Variants in ATP13A4 observed in about 807,000 individuals in gnomAD.
The protein encoded by ATP13A4 is probable cation-transporting ATPase 13A4.
A neutral mutation model predicts 142.5 loss-of-function variants in ATP13A4; 114 were observed. The observed-to-expected ratio is 0.80, with a 90% CI of 0.69 to 0.93. ATP13A4 has a LOEUF of 0.93. Ranked by LOEUF, ATP13A4 falls within the 40% of genes least tolerant of loss-of-function variation. ATP13A4 has a pLI of 0.00. For missense variants in ATP13A4, 1,392 were observed against 1,454.0 expected, an observed-to-expected ratio of 0.96 and a Z score of 0.69; for synonymous variants, 488 against 514.8, an observed-to-expected ratio of 0.95 and a Z score of 0.70.
At chr3:193,462,947 C>T in intron 12 of ATP13A4, 124 bp from the exon 13 acceptor site, 2 of 889,538 alleles carry the variant, frequency 2.2e-6, no homozygotes, top group Non-Finnish European at 3.6e-6. Flanking sequence ...GAGTTTAAGA[C>T]CAGCCTGGGC....
chr3:193,503,323 T>C (rs571330239), intron 2 of ATP13A4, among the ~76,000 whole-genome samples: 2 of 152,220 alleles, frequency 1.3e-5, no homozygotes, highest in East Asian at 1.9e-4. Context: ...CTAATTAAAA[T>C]TGCTTCCATT....
At chr3:193,532,769 A>C (rs1033738186) in intron 1 of ATP13A4, among the ~76,000 whole-genome samples, 1 of 152,212 alleles carries the variant, frequency 6.6e-6, no homozygotes, top group African/African-American at 2.4e-5. Flanking sequence ...AAAAGGGTAA[A>C]TCATAAGCAT....
intron 2 of ATP13A4, among the ~76,000 whole-genome samples, chr3:193,513,625 A>G (rs1721252462): frequency 6.6e-6 from 1 of 152,244 alleles, no homozygotes; most frequent in Non-Finnish European, 1.5e-5. Flanking sequence ...CGCAGGGATG[A>G]TGCACATTGT....
chr3:193,569,393 C>T (rs1724209627), intron 2 of ATP13A4, among the ~76,000 whole-genome samples: 2 of 152,178 alleles, frequency 1.3e-5, no homozygotes, highest in African/African-American at 2.4e-5. Flanking sequence ...CTAAATGCAA[C>T]TTAGTATCCT....
intron 1 of ATP13A4, among the ~76,000 whole-genome samples, chr3:193,542,277 A>C (rs1722971232): frequency 6.6e-6 from 1 of 152,190 alleles, no homozygotes. Context: ...GAAGTGAAGA[A>C]TCTCTTCAAG....
At chr3:193,549,673 T>C (rs1028612157) in intron 1 of ATP13A4, among the ~76,000 whole-genome samples, 10 of 151,990 alleles carry the variant, frequency 6.6e-5, no homozygotes, top group African/African-American at 2.2e-4. Flanking sequence ...CTACATAAAA[T>C]ACTGGAAAAT....
At chr3:193,551,881 T>C (rs1723592607) in intron 1 of ATP13A4, among the ~76,000 whole-genome samples, 1 of 152,238 alleles carries the variant, frequency 6.6e-6, no homozygotes, top group African/African-American at 2.4e-5. Flanking sequence ...TCCTGTCTCA[T>C]TTCGCAGTTA....
At chr3:193,519,254 G>C (rs1231744721) in intron 1 of ATP13A4, among the ~76,000 whole-genome samples, 1 of 152,132 alleles carries the variant, frequency 6.6e-6, no homozygotes, top group Admixed American at 6.5e-5. Flanking sequence ...AATACTAAAT[G>C]ACCAACAAAG....
chr3:193,465,125 G>T lies in ATP13A4; in HGVS notation c.1276C>A (p.Pro426Thr), dbSNP rs151251313. 43 of 1,613,662 alleles carry T rather than the reference G, an allele frequency of 2.7e-5. No individual in the cohort carries two copies. The African/African-American group carries it at 5.3e-4, about 20-fold the overall frequency. The part of the protein sequence containing the change: ...TLCVYVLSGE[P>T]PEEVVRKALD... ...GCTTTCCTCACCACCTCCTCTGGAG[G>T]TTCCTGGACGACAGTCATTCTTTAA... The change falls in exon 12 of 30, where the codon CCT becomes ACT. Residue 426 changes from proline to threonine, a missense_variant. By Grantham distance (38) the Pro-to-Thr change is conservative. Coordinates refer to ENST00000342695, the MANE Select transcript of ATP13A4 (RefSeq NM_032279.4).
At chr3:193,462,572 G>C (rs1257405030) in intron 13 of ATP13A4, among the ~76,000 whole-genome samples, 190 bp downstream of exon 13, 1 of 152,144 alleles carries the variant, frequency 6.6e-6, no homozygotes, top group Non-Finnish European at 1.5e-5. Flanking sequence ...GGTTGGGATG[G>C]GGGGAAATGT....
At chr3:193,495,997 A>G (rs1275762813) in intron 3 of ATP13A4, among the ~76,000 whole-genome samples, 1 of 152,208 alleles carries the variant, frequency 6.6e-6, no homozygotes, top group African/African-American at 2.4e-5. Flanking sequence ...TAAAATACAT[A>G]GGAATAAATT....
At position 193,443,010 on chromosome 3, in the gene ATP13A4, C is replaced by G. The variant is rs73078991; in HGVS notation, c.2153-454G>C. 2.0e-3 allele frequency among the ~76,000 whole-genome samples: 302 copies of G among 152,252 alleles called. 2 individuals carry two copies. Among genetic ancestry groups the G allele is most frequent in the African/African-American group, 7.1e-3 (294 of 41,560 alleles). ...AAGGACTTTGAAAAGTAAACAAAAGCAGGCAGATGGTGGGAGGGAGTCAAA... is the reference window on the plus strand; with the variant it reads ...AAGGACTTTGAAAAGTAAACAAAAGGAGGCAGATGGTGGGAGGGAGTCAAA... On this transcript the variant is annotated intron_variant, in intron 18 of 29. Coordinates refer to ENST00000342695, the MANE Select transcript of ATP13A4 (RefSeq NM_032279.4).
At chr3:193,438,920 T>C in intron 22 of ATP13A4, 103 bp downstream of exon 22, 2 of 1,241,120 alleles carry the variant, frequency 1.6e-6, no homozygotes, top group Non-Finnish European at 2.4e-6. Context: ...GGCTCGAGTA[T>C]AAATGAATGT....
chr3:193,440,515 G>C (rs1053390334), intron 21 of ATP13A4, 43 bp downstream of exon 21: 22 of 1,612,396 alleles, frequency 1.4e-5, no homozygotes, highest in Non-Finnish European at 1.8e-5. Flanking sequence ...TGACTGTTAT[G>C]CCTCCATGCA....
chr3:193,410,468 G>T (rs147432879), intron 28 of ATP13A4, among the ~76,000 whole-genome samples: 2 of 152,150 alleles, frequency 1.3e-5, no homozygotes, highest in African/African-American at 4.8e-5. Context: ...AGCCTAGCGC[G>T]TTGGGAGGCC....
chr3:193,590,999 AT>A, intron 1 of ATP13A4, among the ~76,000 whole-genome samples: 1 of 152,232 alleles, frequency 6.6e-6, no homozygotes, highest in East Asian at 1.9e-4. Flanking sequence ...GCATCCTGAT[AT>A]TTTTATGTGA....
chr3:193,592,271 T>G (rs1416928912), intron 1 of ATP13A4, among the ~76,000 whole-genome samples: 1 of 152,068 alleles, frequency 6.6e-6, no homozygotes, highest in African/African-American at 2.4e-5. Context: ...CGGGCCCTGG[T>G]TTCCTTACAA....
At chr3:193,434,109 C>G (rs1315832128) in intron 24 of ATP13A4, among the ~76,000 whole-genome samples, 192 bp from the exon 25 acceptor site, 1 of 151,998 alleles carries the variant, frequency 6.6e-6, no homozygotes, top group African/African-American at 2.4e-5. Flanking sequence ...CCTGTGAAAC[C>G]CTCTCTATGC....
intron 1 of ATP13A4, among the ~76,000 whole-genome samples, chr3:193,546,422 G>T (rs1723229921): frequency 1.3e-5 from 2 of 152,258 alleles, no homozygotes; most frequent in Admixed American, 1.3e-4. Flanking sequence ...CATCTTCTCA[G>T]CTGCAGCACC....
Sources: gnomAD v4.1 joint callset for allele counts (sites outside exome capture counted in the v4.1 genomes callset) on GRCh38, gnomAD v4.1.1 for gene constraint, MANE v1.5 for transcripts, NCBI Gene and HGNC (gene_info 2026-07-23, HGNC 2026-07-21) for gene names.